INVS: variants seen among roughly 807,000 people sequenced by gnomAD.
INVS encodes the protein inversin, also known as inversion of embryo turning homolog.
Under a neutral mutation model 108.8 loss-of-function variants are expected in INVS, and 86 were observed. The ratio of observed to expected loss-of-function variants is 0.79; its 90% CI spans 0.66 to 0.95. INVS has a LOEUF of 0.95. Among genes scored for constraint, INVS ranks in the 40% least tolerant of loss-of-function variants. The probability of loss-of-function intolerance (pLI) is 0.00; values close to 1 mark genes in which losing one functional copy is unlikely to be tolerated. For synonymous variants in INVS, 455 were observed against 473.5 expected, an observed-to-expected ratio of 0.96 and a Z score of 0.51; for missense variants, 1,169 against 1,297.4, an observed-to-expected ratio of 0.90 and a Z score of 1.52.
At chr9:100,209,445 G>T (rs1315330865) in intron 3 of INVS, among the ~76,000 whole-genome samples, 1 of 152,098 alleles carries the variant, frequency 6.6e-6, no homozygotes, top group Non-Finnish European at 1.5e-5. Context: ...TGTTCTGGCT[G>T]AGACCTCTCT....
intron 3 of INVS, among the ~76,000 whole-genome samples, chr9:100,189,989 T>C (rs1830174667): frequency 6.6e-6 from 1 of 152,182 alleles, no homozygotes; most frequent in Non-Finnish European, 1.5e-5. Flanking sequence ...GGATGATCTG[T>C]CTAGTGCTGT....
chr9:100,178,213 A>G (rs1321618731), intron 3 of INVS, among the ~76,000 whole-genome samples: 1 of 152,102 alleles, frequency 6.6e-6, no homozygotes, highest in East Asian at 1.9e-4. Flanking sequence ...AAACCAGAAC[A>G]CCTCTTCTTC....
At chr9:100,175,094 A>G (rs1829667828) in intron 3 of INVS, 1 of 253,958 alleles carries the variant, frequency 3.9e-6, no homozygotes, top group Admixed American at 4.8e-5. Flanking sequence ...TTCCTCTGAC[A>G]TCTTCCAGAA....
intron 4 of INVS, 64 bp from the exon 5 acceptor site, chr9:100,229,596 C>A: frequency 6.9e-7 from 1 of 1,446,596 alleles, no homozygotes; most frequent in Non-Finnish European, 9.7e-7. Context: ...GCCTGTCCCA[C>A]AATAAAAGAT....
intron 3 of INVS, among the ~76,000 whole-genome samples, chr9:100,149,862 T>C (rs534011153): frequency 6.6e-6 from 1 of 152,320 alleles, no homozygotes; most frequent in Admixed American, 6.5e-5. Flanking sequence ...ATGTGTTTTC[T>C]GTATACATAA....
intron 10 of INVS, among the ~76,000 whole-genome samples, chr9:100,253,861 T>G (rs1832324549): frequency 6.6e-6 from 1 of 152,228 alleles, no homozygotes; most frequent in Non-Finnish European, 1.5e-5. Flanking sequence ...TTGTGAATAG[T>G]GCCGCAATAA....
chr9:100,122,455 A>G (rs1199296920), intron 2 of INVS, among the ~76,000 whole-genome samples: 2 of 151,664 alleles, frequency 1.3e-5, no homozygotes, highest in African/African-American at 2.4e-5. Context: ...TCTTTTCTCT[A>G]AAGTTTACCT....
chr9:100,250,107 A>C (rs1832179919), intron 8 of INVS, among the ~76,000 whole-genome samples: 1 of 152,134 alleles, frequency 6.6e-6, no homozygotes, highest in African/African-American at 2.4e-5. Flanking sequence ...TCCATCTCAA[A>C]AAATAAAATA....
chr9:100,207,856 ATG>A (rs940715458), intron 3 of INVS, among the ~76,000 whole-genome samples: 2 of 152,174 alleles, frequency 1.3e-5, no homozygotes, highest in Non-Finnish European at 2.9e-5. Flanking sequence ...TAATTTTTGA[ATG>A]TGTTTCTAAA....
At chr9:100,188,268 A>C (rs535115047) in intron 3 of INVS, among the ~76,000 whole-genome samples, 98 of 152,274 alleles carry the variant, frequency 6.4e-4, no homozygotes, top group Admixed American at 1.4e-3. Flanking sequence ...TCTTCCAGGG[A>C]ATGCTTTCTA....
intron 5 of INVS, among the ~76,000 whole-genome samples, chr9:100,235,294 C>T (rs538615988): frequency 5.3e-4 from 80 of 152,090 alleles, no homozygotes; most frequent in African/African-American, 1.6e-3. Context: ...GAATTCAGCA[C>T]GCTGGTGGGT....
intron 5 of INVS, among the ~76,000 whole-genome samples, chr9:100,231,120 G>A (rs996189512): frequency 5.3e-5 from 8 of 152,038 alleles, no homozygotes; most frequent in East Asian, 1.9e-4. Flanking sequence ...TAGATTCTTT[G>A]AGGTTTTCTA....
intron 10 of INVS, among the ~76,000 whole-genome samples, chr9:100,262,360 C>G (rs1832653362): frequency 6.6e-6 from 1 of 151,786 alleles, no homozygotes; most frequent in Non-Finnish European, 1.5e-5. Context: ...TTGGGGTTTT[C>G]TTTGTGTAAA....
chr9:100,206,075 G>A (rs1037428073), intron 3 of INVS, among the ~76,000 whole-genome samples: 1 of 151,962 alleles, frequency 6.6e-6, no homozygotes, highest in African/African-American at 2.4e-5. Flanking sequence ...TAATCTTTTT[G>A]AATGTATATT....
intron 3 of INVS, among the ~76,000 whole-genome samples, chr9:100,156,257 CTTTTTT>C (rs931919205): frequency 2.4e-5 from 3 of 124,716 alleles, no homozygotes; most frequent in Admixed American, 8.1e-5. Context: ...GTTAGGAATA[CTTTTTT>C]TTTTTTTTTT....
chr9:100,293,065 G>GC (rs915615148), intron 14 of INVS, 22 bp downstream of exon 14: 1 of 1,583,200 alleles, frequency 6.3e-7, no homozygotes, highest in African/African-American at 1.3e-5. Context: ...GGGTGCTGCC[G>GC]CATCTGTGGT....
At position 100,246,795 on chromosome 9, in the gene INVS, CT is replaced by C. The variant is rs755835113; in HGVS notation, c.1078+9del. 4 of 1,612,404 alleles carry C rather than the reference CT, an allele frequency of 2.5e-6. No homozygotes were observed. The highest frequency in any genetic ancestry group is 3.4e-6 in the Non-Finnish European group (4 of 1,178,534). ...ACAAATATGGAGGTACAGGTGAGAA[CT>C]GGTGGACACATTCAATTTGCTTTCA... On this transcript the variant is annotated intron_variant, in intron 8 of 16. Coordinates refer to ENST00000262457, the MANE Select transcript of INVS (RefSeq NM_014425.5).
chr9:100,291,627 T>C (rs1833617966), intron 13 of INVS, among the ~76,000 whole-genome samples: 2 of 152,318 alleles, frequency 1.3e-5, no homozygotes, highest in South Asian at 2.1e-4. Flanking sequence ...CTGTGAGGCA[T>C]CCTGGGATAT....
In INVS at chr9:100,256,945, T is replaced by A. The variant is rs1468523058; in HGVS notation, c.1464+3809T>A. On this transcript the variant is annotated intron_variant, in intron 10 of 16. Transcript: ENST00000262457. ...TAGGTCCGCTTGGTGCAGAGCTGAG[T>A]TCAAGTCCTGGATATCCTTGTTAAC... Among the ~76,000 whole-genome samples the A allele has an allele frequency of 4.6e-5, 7 of 152,188 alleles. No homozygotes were observed. In the East Asian group the frequency reaches 1.3e-3, roughly 29 times the overall value.
Sources: gnomAD v4.1 joint callset for allele counts (sites outside exome capture counted in the v4.1 genomes callset) on GRCh38, gnomAD v4.1.1 for gene constraint, MANE v1.5 for transcripts, NCBI Gene and HGNC (gene_info 2026-07-23, HGNC 2026-07-21) for gene names.